The following PPP3R1 variants were observed in gnomAD, a reference collection of about 807,000 sequenced individuals.
The protein encoded by PPP3R1 is protein phosphatase 3 regulatory subunit B, alpha.
A neutral mutation model predicts 22.6 loss-of-function variants in PPP3R1; 5 were observed. That is an observed-to-expected ratio of 0.22 (90% CI 0.12 to 0.46). PPP3R1 has a LOEUF of 0.46. PPP3R1 is among the 20% of genes least tolerant of loss of function. The probability of loss-of-function intolerance (pLI) is 0.99; values close to 1 mark genes in which losing one functional copy is unlikely to be tolerated. For synonymous variants in PPP3R1, 56 were observed against 65.2 expected, an observed-to-expected ratio of 0.86 and a Z score of 0.68; for missense variants, 61 against 203.2, an observed-to-expected ratio of 0.30 and a Z score of 4.25.
At chr2:68,242,569 A>G (rs756341219) in intron 1 of PPP3R1, among the ~76,000 whole-genome samples, 8 of 152,234 alleles carry the variant, frequency 5.3e-5, no homozygotes, top group Non-Finnish European at 8.8e-5. Flanking sequence ...TACTTGAGAA[A>G]GAGTATAAGT....
intron 2 of PPP3R1, among the ~76,000 whole-genome samples, chr2:68,203,816 A>G (rs1675038088): frequency 6.6e-6 from 1 of 152,202 alleles, no homozygotes; most frequent in Non-Finnish European, 1.5e-5. Flanking sequence ...TGTTTACTAA[A>G]AACAGAAACA....
intron 2 of PPP3R1, among the ~76,000 whole-genome samples, chr2:68,197,348 T>C (rs999094025): frequency 1.3e-5 from 2 of 152,220 alleles, no homozygotes; most frequent in South Asian, 4.1e-4. Context: ...ATCCATGTTG[T>C]TGCATGTGTC....
chr2:68,194,163 T>C (rs148656563), intron 2 of PPP3R1, among the ~76,000 whole-genome samples: 91 of 152,256 alleles, frequency 6.0e-4, no homozygotes, highest in African/African-American at 2.1e-3. Flanking sequence ...TATACTGTTA[T>C]CTAAAATTTA....
rs1342012849 is a variant in PPP3R1, at chr2:68,252,181, C to T, written c.-54G>A. ...CTCGCTGGCTCGGAGAAGTGTTGCG[C>T]TCAGGCTGGCTCGCAGGAAACGGCG... On this transcript the variant is annotated 5_prime_UTR_variant, in exon 1 of 6. Coordinates refer to ENST00000234310, the MANE Select transcript of PPP3R1 (RefSeq NM_000945.4). The T allele has an allele frequency of 7.6e-6, 10 of 1,322,286 alleles. No individual in the cohort carries two copies. The highest frequency in any genetic ancestry group is 6.9e-6 in the Non-Finnish European group (7 of 1,011,484). The allele number at this position is 1,322,286 out of a possible 1,614,324, so 81.9% of individuals were successfully genotyped here.
chr2:68,225,088 C>G (rs921990684), intron 1 of PPP3R1, among the ~76,000 whole-genome samples: 1 of 152,176 alleles, frequency 6.6e-6, no homozygotes, highest in African/African-American at 2.4e-5. Context: ...ATGTGGTGAA[C>G]AGAATTCTTA....
At chr2:68,209,277 T>A (rs1240167055) in intron 2 of PPP3R1, among the ~76,000 whole-genome samples, 1 of 129,376 alleles carries the variant, frequency 7.7e-6, no homozygotes, top group African/African-American at 2.9e-5. Context: ...GAGAATGGCG[T>A]GAACCCGGGA....
intron 1 of PPP3R1, among the ~76,000 whole-genome samples, chr2:68,237,976 A>T (rs1010527849): frequency 6.6e-6 from 1 of 152,184 alleles, no homozygotes; most frequent in African/African-American, 2.4e-5. Flanking sequence ...CCTGACATAT[A>T]AGTCTCTACT....
intron 1 of PPP3R1, among the ~76,000 whole-genome samples, chr2:68,219,621 A>G (rs560946368): frequency 6.6e-6 from 1 of 152,318 alleles, no homozygotes; most frequent in Admixed American, 6.5e-5. Flanking sequence ...AAAAAATAGC[A>G]TTTCTGAAGG....
intron 1 of PPP3R1, among the ~76,000 whole-genome samples, chr2:68,238,818 C>T (rs1245388362): frequency 6.6e-6 from 1 of 152,028 alleles, no homozygotes; most frequent in Non-Finnish European, 1.5e-5. Flanking sequence ...GACACGTTTG[C>T]TATATAACAT....
chr2:68,200,847 T>C (rs1042270015), intron 2 of PPP3R1, among the ~76,000 whole-genome samples: 1 of 152,220 alleles, frequency 6.6e-6, no homozygotes, highest in Admixed American at 6.5e-5. Flanking sequence ...AACATGTATA[T>C]TACCGTTTTT....
intron 2 of PPP3R1, among the ~76,000 whole-genome samples, chr2:68,195,481 T>C (rs900072744): frequency 1.3e-5 from 2 of 152,116 alleles, no homozygotes; most frequent in African/African-American, 4.8e-5. Context: ...AAATCTACCA[T>C]CTTTTCCTTT....
Position 68,252,263 on chromosome 2 carries a change from A to C in PPP3R1, c.-136T>G, listed in dbSNP as rs951585663. 3.1e-6 allele frequency: 3 copies of C among 979,446 alleles called. No homozygotes were observed. Among genetic ancestry groups the C allele is most frequent in the Non-Finnish European group, 2.4e-6 (2 of 839,640 alleles). 60.7% of individuals were successfully genotyped at this position (979,446 alleles called of 1,614,324 possible). Reference sequence around the variant, plus strand: ...GGCGGGGAGGGGGCGCGCGTGGGGGAGGGGAGGCGGCGCCGCGGGGCCCGC... The same window carrying C: ...GGCGGGGAGGGGGCGCGCGTGGGGGCGGGGAGGCGGCGCCGCGGGGCCCGC... On this transcript the variant is annotated 5_prime_UTR_variant, in exon 1 of 6. Transcript: ENST00000234310.
chr2:68,244,414 C>T (rs564126252), intron 1 of PPP3R1, among the ~76,000 whole-genome samples: 4 of 152,308 alleles, frequency 2.6e-5, no homozygotes, highest in Non-Finnish European at 4.4e-5. Flanking sequence ...CCAGTTCCCT[C>T]AGGCTCAATG....
At chr2:68,207,727 A>G (rs189212969) in intron 2 of PPP3R1, among the ~76,000 whole-genome samples, 54 of 152,334 alleles carry the variant, frequency 3.5e-4, no homozygotes, top group African/African-American at 1.2e-3. Context: ...ATGCAGCCTA[A>G]AGCCTAATTA....
At chr2:68,236,890 A>G (rs1194761368) in intron 1 of PPP3R1, among the ~76,000 whole-genome samples, 2 of 152,022 alleles carry the variant, frequency 1.3e-5, no homozygotes, top group African/African-American at 4.8e-5. Context: ...TTGCTCCCTA[A>G]TAAGTACTTA....
chr2:68,246,656 A>C (rs1670242314), intron 1 of PPP3R1, among the ~76,000 whole-genome samples: 1 of 152,150 alleles, frequency 6.6e-6, no homozygotes, highest in Non-Finnish European at 1.5e-5. Flanking sequence ...GCATCATGCT[A>C]TGCTGCTCAT....
intron 1 of PPP3R1, among the ~76,000 whole-genome samples, chr2:68,223,515 T>A (rs915857853): frequency 6.6e-6 from 1 of 152,156 alleles, no homozygotes; most frequent in African/African-American, 2.4e-5. Flanking sequence ...GACTGAGGAT[T>A]ATTCCAGCAA....
At chr2:68,246,067 C>CTTTTTTTTTTTTTTTTTT (rs746584723) in intron 1 of PPP3R1, among the ~76,000 whole-genome samples, 7 of 73,808 alleles carry the variant, frequency 9.5e-5, no homozygotes, top group East Asian at 4.2e-4. Flanking sequence ...TTCTTTCTTT[C>CTTTTTTTTTTTTTTTTTT]TTTTTTTTTT....
intron 2 of PPP3R1, among the ~76,000 whole-genome samples, chr2:68,212,912 T>C (rs1669513594): frequency 6.6e-6 from 1 of 152,236 alleles, no homozygotes; most frequent in South Asian, 2.1e-4. Context: ...CTGCTTCAAC[T>C]TGCAAGTTAT....
Sources: gnomAD v4.1 joint callset for allele counts (sites outside exome capture counted in the v4.1 genomes callset) on GRCh38, gnomAD v4.1.1 for gene constraint, MANE v1.5 for transcripts, NCBI Gene and HGNC (gene_info 2026-07-23, HGNC 2026-07-21) for gene names.